PNPLA7: variants seen among roughly 807,000 people sequenced by gnomAD.
PNPLA7 encodes the protein patatin-like phospholipase domain-containing protein 7.
In PNPLA7, 153 loss-of-function variants were observed where a neutral mutation model predicts 161.7. That is an observed-to-expected ratio of 0.95 (90% CI 0.83 to 1.08). The LOEUF is 1.08. PNPLA7 is among the 50% of genes least tolerant of loss of function. PNPLA7 has a pLI of 0.00. For missense variants in PNPLA7, 1,739 were observed against 1,856.6 expected, an observed-to-expected ratio of 0.94 and a Z score of 1.16; for synonymous variants, 809 against 782.1, an observed-to-expected ratio of 1.03 and a Z score of -0.57.
intron 25 of PNPLA7, among the ~76,000 whole-genome samples, chr9:137,472,858 G>A (rs1831771900): frequency 6.6e-6 from 1 of 151,698 alleles, no homozygotes; most frequent in Admixed American, 6.6e-5. Context: ...AGGAGGCTGA[G>A]GCAGGAGAAT....
At chr9:137,494,230 C>T (rs1486162018) in intron 19 of PNPLA7, among the ~76,000 whole-genome samples, 2 of 152,146 alleles carry the variant, frequency 1.3e-5, no homozygotes, top group African/African-American at 4.8e-5. Context: ...CTCCTCACCG[C>T]TGACCCTGCA....
intron 8 of PNPLA7, among the ~76,000 whole-genome samples, chr9:137,536,440 G>C (rs1437983669): frequency 6.6e-6 from 1 of 152,048 alleles, no homozygotes; most frequent in Non-Finnish European, 1.5e-5. Context: ...GCGCTTCCCA[G>C]AGCAAAAAAG....
Position 137,541,357 on chromosome 9 carries a change from C to T in PNPLA7, c.667-635G>A. The T allele has an allele frequency of 1.1e-6, 1 of 938,522 alleles. No individual in the cohort carries two copies. The highest frequency in any genetic ancestry group is 1.3e-6 in the Non-Finnish European group (1 of 787,184). 58.1% of individuals were successfully genotyped at this position (938,522 alleles called of 1,614,324 possible). ...CCCAGGAGCTACTGGCTCCAGCTTC[C>T]CCCAAGCCCCTTTCCCTTCTAATAA... On this transcript the variant is annotated intron_variant, in intron 7 of 34. Coordinates refer to ENST00000406427, the MANE Select transcript of PNPLA7 (RefSeq NM_001098537.3). The surrounding 1 kb of genome is among the most constrained non-coding windows in gnomAD (Gnocchi z 4.4).
At chr9:137,501,114 G>A (rs1288876250) in intron 15 of PNPLA7, among the ~76,000 whole-genome samples, 7 of 152,292 alleles carry the variant, frequency 4.6e-5, no homozygotes, top group South Asian at 2.1e-4. Context: ...CAAGGGCTCC[G>A]TGCAGCGAGC....
intron 7 of PNPLA7, among the ~76,000 whole-genome samples, chr9:137,542,128 TTAC>T (rs1836238020): frequency 6.6e-6 from 1 of 152,302 alleles, no homozygotes; most frequent in East Asian, 1.9e-4. Flanking sequence ...ACACAGTGAC[TTAC>T]TACTAAACTA....
chr9:137,506,213 T>C (rs1833914595), intron 12 of PNPLA7, 130 bp from the exon 13 acceptor site: 3 of 680,446 alleles, frequency 4.4e-6, no homozygotes, highest in Non-Finnish European at 7.7e-6. Context: ...AGTCGGGCCC[T>C]GAGATCCCTC....
At position 137,500,051 on chromosome 9, in the gene PNPLA7, C is replaced by T. The variant is rs934097658; in HGVS notation, c.1757+640G>A. ...CAGTGCCGTGGATGCAAAGACGTGG[C>T]GGCTCTGCCAGGCAGCCACAGGCGG... On this transcript the variant is annotated intron_variant, in intron 16 of 34. Coordinates refer to ENST00000406427, the MANE Select transcript of PNPLA7 (RefSeq NM_001098537.3). The surrounding 1 kb of genome is among the most constrained non-coding windows in gnomAD (Gnocchi z 5.5). Among the ~76,000 whole-genome samples the T allele has an allele frequency of 8.5e-5, 13 of 152,252 alleles. No homozygotes were observed. The highest frequency in any genetic ancestry group is 1.3e-4 in the Non-Finnish European group (9 of 68,042).
At position 137,543,363 on chromosome 9, in the gene PNPLA7, C is replaced by T. The variant is rs1353867665; in HGVS notation, c.506+69G>A. 5 of 1,597,992 alleles carry T rather than the reference C, an allele frequency of 3.1e-6. No homozygotes were observed. Among genetic ancestry groups the T allele is most frequent in the Non-Finnish European group, 4.3e-6 (5 of 1,168,860 alleles). ...CCAACACAAGACGGCCAAGCTGGAG[C>T]CAGGCCCCAGCGAGAAGCCCGGGGC... On this transcript the variant is annotated intron_variant, in intron 6 of 34. Coordinates refer to ENST00000406427, the MANE Select transcript of PNPLA7 (RefSeq NM_001098537.3). This position sits in a 1 kb window ranked among gnomAD's most constrained non-coding sequence, Gnocchi z 6.9.
chr9:137,475,889 A>C (rs1262888625), intron 25 of PNPLA7, among the ~76,000 whole-genome samples: 1 of 152,224 alleles, frequency 6.6e-6, no homozygotes, highest in East Asian at 1.9e-4. Flanking sequence ...TAGAATGAGG[A>C]CACTTGCTGA....
intron 1 of PNPLA7, among the ~76,000 whole-genome samples, chr9:137,549,735 A>G (rs1358578067): frequency 6.6e-6 from 1 of 152,164 alleles, no homozygotes; most frequent in African/African-American, 2.4e-5. Context: ...CTGTGAGCCA[A>G]GATCACACCA....
chr9:137,463,371 A>T, intron 29 of PNPLA7, 44 bp downstream of exon 29: 1 of 1,528,528 alleles, frequency 6.5e-7, no homozygotes, highest in Non-Finnish European at 8.9e-7. Flanking sequence ...GGCGTGACCC[A>T]GGAGCCTGTG....
chr9:137,479,150 G>A lies in PNPLA7; in HGVS notation c.2669C>T (p.Thr890Ile), dbSNP rs913767733. ...GCTCCGCATGTTGAGCCACTCCACG[G>A]TGCGCGCTGGCGCCGGGCCCTCCTC... ...HREEGPAPAR[T>I]VEWLNMRSWC... The change falls in exon 24 of 35, where the codon ACC becomes ATC. Residue 890 changes from threonine to isoleucine, a missense_variant. Transcript: ENST00000406427. 12 of 1,583,106 alleles carry A rather than the reference G, an allele frequency of 7.6e-6. No individual in the cohort carries two copies. The highest frequency in any genetic ancestry group is 2.3e-5 in the East Asian group (1 of 43,336).
rs1163887942 is a variant in PNPLA7 at position 137,476,036 on chromosome 9, G to A, written c.2882+1998C>T. ...AGGAAATGGAATTGAACACAGGAGAGAAACAAAGGCAGTTTCCAGGGTGGT... is the reference window on the plus strand; with the variant it reads ...AGGAAATGGAATTGAACACAGGAGAAAAACAAAGGCAGTTTCCAGGGTGGT... On this transcript the variant is annotated intron_variant, in intron 25 of 34. Coordinates refer to ENST00000406427, the MANE Select transcript of PNPLA7 (RefSeq NM_001098537.3). The surrounding 1 kb of genome is among the most constrained non-coding windows in gnomAD (Gnocchi z 4.5). Among the ~76,000 whole-genome samples, 2 of 152,192 alleles carry A rather than the reference G, an allele frequency of 1.3e-5. No homozygotes were observed. Among genetic ancestry groups the A allele is most frequent in the East Asian group, 3.8e-4 (2 of 5,198 alleles).
intron 11 of PNPLA7, among the ~76,000 whole-genome samples, chr9:137,519,278 C>A (rs908150338): frequency 2.6e-5 from 4 of 152,234 alleles, no homozygotes; most frequent in African/African-American, 9.6e-5. Context: ...TGGGGTGACT[C>A]ATGCAGTGCA....
intron 12 of PNPLA7, among the ~76,000 whole-genome samples, chr9:137,514,403 G>A (rs1207537541): frequency 9.4e-5 from 13 of 138,088 alleles, no homozygotes; most frequent in African/African-American, 1.2e-4. Context: ...GGCTGCAGGC[G>A]GGTCACTCGG....
chr9:137,460,261 A>G lies in PNPLA7; in HGVS notation c.*132T>C, dbSNP rs1290051928. On this transcript the variant is annotated 3_prime_UTR_variant, in exon 35 of 35. Coordinates refer to ENST00000406427, the MANE Select transcript of PNPLA7 (RefSeq NM_001098537.3). The stretch of plus-strand genomic sequence containing the variant: ...AAGAAGAGGCCCAGAGAACCCTAAC[A>G]CAGCCTGGGGCCCCGGGGAAGTCAG... 4.6e-6 allele frequency: 4 copies of G among 861,002 alleles called. No homozygotes were observed. The highest frequency in any genetic ancestry group is 5.3e-6 in the Non-Finnish European group (3 of 563,250). The allele number at this position is 861,002 out of a possible 1,614,324, so 53.3% of individuals were successfully genotyped here.
chr9:137,482,042 G>C (rs958775014), intron 21 of PNPLA7, among the ~76,000 whole-genome samples: 1 of 152,188 alleles, frequency 6.6e-6, no homozygotes, highest in African/African-American at 2.4e-5. Flanking sequence ...AACTGAACTA[G>C]AATGCCCCCT....
Position 137,480,420 on chromosome 9 carries a change from C to T in PNPLA7, c.2472G>A (p.Val824=). The change falls in exon 23 of 35, where the codon GTG becomes GTA. Residue 824 remains valine (V), a synonymous_variant. Transcript: ENST00000406427. The stretch of plus-strand genomic sequence containing the variant: ...TGAGCGTGCCATCTGCCTGGTAGAG[C>T]ACGATCCTGTGGGTGTCCTCCTGCT... ...LGQQEDTHRI[V]LYQADGTLTP... is the part of the protein sequence containing the mutation. 1.2e-6 allele frequency: 2 copies of T among 1,613,428 alleles called. No individual in the cohort carries two copies. Among genetic ancestry groups the T allele is most frequent in the Non-Finnish European group, 1.7e-6 (2 of 1,179,828 alleles).
chr9:137,476,320 G>A lies in PNPLA7; in HGVS notation c.2882+1714C>T, dbSNP rs1463059297. Among the ~76,000 whole-genome samples the A allele has an allele frequency of 6.6e-6, 1 of 152,160 alleles. No homozygotes were observed. The highest frequency in any genetic ancestry group is 6.6e-5 in the Admixed American group (1 of 15,256). On this transcript the variant is annotated intron_variant, in intron 25 of 34. Transcript: ENST00000406427. This position sits in a 1 kb window ranked among gnomAD's most constrained non-coding sequence, Gnocchi z 4.5. ...TCAATCATAGGATAGGATAGGATGT[G>A]ACTTAGTTCTGAGTGACACCCACAG...
Sources: allele counts gnomAD v4.1 joint callset (sites outside exome capture counted in the v4.1 genomes callset), GRCh38; gene constraint gnomAD v4.1.1; non-coding constraint Gnocchi (gnomAD v3.1); transcripts MANE v1.5; gene names NCBI Gene and HGNC (gene_info 2026-07-23, HGNC 2026-07-21).